DLEU7: variants seen among roughly 807,000 people sequenced by gnomAD.
DLEU7 encodes the protein deleted in lymphocytic leukemia 7.
Under a neutral mutation model 16.0 loss-of-function variants are expected in DLEU7, and 17 were observed. That is an observed-to-expected ratio of 1.06 (90% CI 0.73 to 1.59). The LOEUF (loss-of-function observed/expected upper bound fraction) is 1.59. Ranked by LOEUF, DLEU7 falls within the 40% of genes most tolerant of loss-of-function variation. DLEU7 has a pLI of 0.00. For synonymous variants in DLEU7, 113 were observed against 139.8 expected (o/e 0.81, Z 1.35); for missense variants, 308 against 314.9 (o/e 0.98, Z 0.17).
intron 1 of DLEU7, among the ~76,000 whole-genome samples, chr13:50,775,458 G>T (rs140552506): frequency 2.2e-3 from 335 of 152,268 alleles, no homozygotes; most frequent in African/African-American, 6.1e-3. Context: ...CAAACTGTCT[G>T]CCTGCATTGG....
chr13:50,822,280 T>G (rs1442011364), downstream of DLEU7, among the ~76,000 whole-genome samples: 1 of 152,190 alleles, frequency 6.6e-6, no homozygotes, highest in East Asian at 1.9e-4. Context: ...ATTAACACCT[T>G]AGAAATAGTA....
rs1318765655 is a variant in DLEU7 at position 50,768,000 on chromosome 13, T to A, written c.460-54760A>T. On this transcript the variant is annotated intron_variant, in intron 1 of 1. Coordinates refer to the DLEU7 transcript ENST00000400393. ...TTTCCTAGTGGTGTGTTTTGAAGAATAGATGCTAATTTTAACCAAGTCCAA... is the reference window on the plus strand; with the variant it reads ...TTTCCTAGTGGTGTGTTTTGAAGAAAAGATGCTAATTTTAACCAAGTCCAA... Among the ~76,000 whole-genome samples, 4 of 152,366 alleles carry A rather than the reference T, an allele frequency of 2.6e-5. No homozygotes were observed. The South Asian group carries it at 6.2e-4, about 24-fold the overall frequency.
intron 1 of DLEU7, among the ~76,000 whole-genome samples, chr13:50,764,255 T>C (rs745978858): frequency 6.6e-6 from 1 of 152,252 alleles, no homozygotes; most frequent in Non-Finnish European, 1.5e-5. Context: ...CATCATAACA[T>C]ATAATCATTC....
At chr13:50,746,901 A>G (rs2137729856) in intron 1 of DLEU7, among the ~76,000 whole-genome samples, 1 of 152,242 alleles carries the variant, frequency 6.6e-6, no homozygotes, top group South Asian at 2.1e-4. Flanking sequence ...TTTTCTCCGC[A>G]TACATACATA....
chr13:50,823,540 CA>C lies in DLEU7; in HGVS notation c.460-21del. The C allele has an allele frequency of 6.5e-7, 1 of 1,534,550 alleles. No homozygotes were observed. On this transcript the variant is annotated intron_variant, in intron 1 of 1. Transcript: ENST00000504404. ...ACTATCCTGAAATGAACAACAAACA[CA>C]AACAAGAAATTAGATAGGTTATGGG...
intron 1 of DLEU7, among the ~76,000 whole-genome samples, chr13:50,786,496 G>T (rs934906483): frequency 6.6e-6 from 1 of 152,150 alleles, no homozygotes; most frequent in Non-Finnish European, 1.5e-5. Context: ...TTTGTTAAAT[G>T]AAATAAATAC....
At chr13:50,842,702 A>C (rs1474953332) in intron 1 of DLEU7, among the ~76,000 whole-genome samples, 1 of 152,226 alleles carries the variant, frequency 6.6e-6, no homozygotes, top group East Asian at 1.9e-4. Context: ...GATTTATGCA[A>C]AAAATAATAG....
At chr13:50,740,922 G>C (rs1321256847) in intron 1 of DLEU7, among the ~76,000 whole-genome samples, 1 of 151,894 alleles carries the variant, frequency 6.6e-6, no homozygotes, top group Non-Finnish European at 1.5e-5. Context: ...AATTCTTCCT[G>C]AACTCATAGA....
At chr13:50,746,166 C>G (rs1285270007) in intron 1 of DLEU7, among the ~76,000 whole-genome samples, 1 of 152,170 alleles carries the variant, frequency 6.6e-6, no homozygotes, top group Non-Finnish European at 1.5e-5. Context: ...GTACCTGGCA[C>G]ACAGTAAGTT....
intron 1 of DLEU7, among the ~76,000 whole-genome samples, chr13:50,836,317 G>C (rs779241880): frequency 1.3e-5 from 2 of 152,096 alleles, no homozygotes; most frequent in Non-Finnish European, 1.5e-5. Flanking sequence ...GGAGGGCAGT[G>C]AGAAAGAGAA....
intron 1 of DLEU7, among the ~76,000 whole-genome samples, chr13:50,796,767 C>T (rs183193592): frequency 5.5e-4 from 83 of 152,116 alleles, no homozygotes; most frequent in African/African-American, 1.8e-3. Flanking sequence ...CTTCCACCAC[C>T]CTCTGACTGA....
At chr13:50,768,614 T>A (rs1209618240) in intron 1 of DLEU7, among the ~76,000 whole-genome samples, 5 of 152,174 alleles carry the variant, frequency 3.3e-5, no homozygotes, top group Non-Finnish European at 5.9e-5. Context: ...GGACATAAAT[T>A]CATCCCTGTT....
At chr13:50,762,189 C>CAAAAAAAAAAAAAAAA (rs71085045) in intron 1 of DLEU7, among the ~76,000 whole-genome samples, 1 of 84,294 alleles carries the variant, frequency 1.2e-5, no homozygotes, top group Non-Finnish European at 2.3e-5. Context: ...AGACTCGTCT[C>CAAAAAAAAAAAAAAAA]AAAAAAAAAA....
At chr13:50,812,133 GTTTTA>G (rs1248969259) in intron 1 of DLEU7, among the ~76,000 whole-genome samples, 2 of 149,894 alleles carry the variant, frequency 1.3e-5, no homozygotes, top group African/African-American at 4.9e-5. Context: ...GGGGTGTTTT[GTTTTA>G]TTTTATTCAC....
In DLEU7 at chr13:50,747,746, G is replaced by A. The variant is rs141372992; in HGVS notation, c.460-34506C>T. ...GAGAAAGATGGGAGTTATAAACTTT[G>A]ACTTATGCAGTTGAATGAGACATTG... On this transcript the variant is annotated intron_variant, in intron 1 of 1. Coordinates refer to the DLEU7 transcript ENST00000400393. Among the ~76,000 whole-genome samples the A allele has an allele frequency of 3.7e-3, 566 of 152,266 alleles. 4 individuals carry two copies. Among genetic ancestry groups the A allele is most frequent in the African/African-American group, 0.011 (475 of 41,560 alleles).
chr13:50,821,608 G>A (rs1231259532), downstream of DLEU7, among the ~76,000 whole-genome samples: 1 of 151,960 alleles, frequency 6.6e-6, no homozygotes, highest in African/African-American at 2.4e-5. Flanking sequence ...GGGGGTGGTG[G>A]GTAAGTCAGA....
At chr13:50,733,726 G>A (rs1273818309) in intron 1 of DLEU7, among the ~76,000 whole-genome samples, 1 of 152,026 alleles carries the variant, frequency 6.6e-6, no homozygotes, top group Non-Finnish European at 1.5e-5. Flanking sequence ...TTCTAATAAA[G>A]CCCACTTAAC....
chr13:50,755,752 TGA>T (rs1300465013), intron 1 of DLEU7, among the ~76,000 whole-genome samples: 3 of 118,200 alleles, frequency 2.5e-5, no homozygotes, highest in African/African-American at 3.7e-5. Flanking sequence ...GATTTTTTTT[TGA>T]GGGGGGGGGC....
At chr13:50,823,569 C>G in intron 1 of DLEU7, 49 bp from the exon 2 acceptor site, 1 of 1,524,584 alleles carries the variant, frequency 6.6e-7, no homozygotes, top group Non-Finnish European at 8.8e-7. Flanking sequence ...GTTATGGGGG[C>G]CAATTGTTGT....
Sources: gnomAD v4.1 joint callset for allele counts (sites outside exome capture counted in the v4.1 genomes callset) on GRCh38, gnomAD v4.1.1 for gene constraint, MANE v1.5 for transcripts, NCBI Gene and HGNC (gene_info 2026-07-23, HGNC 2026-07-21) for gene names.